TIAL1: variants seen among roughly 807,000 people sequenced by gnomAD.
The protein encoded by TIAL1 is nucleolysin TIAR.
In TIAL1, 7 loss-of-function variants were observed where a neutral mutation model predicts 59.7. The ratio of observed to expected loss-of-function variants is 0.12; its 90% CI spans 0.07 to 0.22. The LOEUF (loss-of-function observed/expected upper bound fraction) is 0.22, where lower values mean the gene tolerates loss of function less well. TIAL1 is among the 10% of genes least tolerant of loss of function. The pLI, the probability that TIAL1 is intolerant of heterozygous loss-of-function variation, is 1.00. For synonymous variants in TIAL1, 149 were observed against 146.3 expected (o/e 1.02, Z -0.13); for missense variants, 225 against 462.5 (o/e 0.49, Z 4.71).
intron 2 of TIAL1, among the ~76,000 whole-genome samples, chr10:119,585,651 A>T (rs942177151): frequency 6.6e-6 from 1 of 152,116 alleles, no homozygotes; most frequent in African/African-American, 2.4e-5. Flanking sequence ...ATGGGGTTTT[A>T]AAAAATAGTT....
intron 2 of TIAL1, among the ~76,000 whole-genome samples, chr10:119,583,744 T>A (rs1424547654): frequency 6.6e-6 from 1 of 152,162 alleles, no homozygotes; most frequent in Non-Finnish European, 1.5e-5. Flanking sequence ...AGAAGGCATT[T>A]CCTTGAGGGA....
intron 1 of TIAL1, among the ~76,000 whole-genome samples, chr10:119,594,689 A>G (rs544012763): frequency 6.7e-4 from 102 of 152,188 alleles, no homozygotes; most frequent in African/African-American, 2.4e-3. Context: ...CAGTGGTGCA[A>G]TCTCGGCTCA....
At chr10:119,587,612 T>C (rs1845634563) in intron 2 of TIAL1, among the ~76,000 whole-genome samples, 1 of 150,624 alleles carries the variant, frequency 6.6e-6, no homozygotes, top group Non-Finnish European at 1.5e-5. Context: ...CAGTATCTAG[T>C]ACATAGGAAA....
At chr10:119,596,369 C>A in intron 1 of TIAL1, 65 bp downstream of exon 1, 1 of 1,592,368 alleles carries the variant, frequency 6.3e-7, no homozygotes, top group Non-Finnish European at 8.6e-7. Flanking sequence ...CTCCTGCTCC[C>A]TCCCTTAGCG....
Position 119,574,991 on chromosome 10 carries a change from A to C in TIAL1, c.*674T>G, listed in dbSNP as rs1844913778. On this transcript the variant is annotated 3_prime_UTR_variant, in exon 12 of 12. Transcript: ENST00000436547. ...AAATGTAAAATACTACAATTTTAAT[A>C]ATCGACACTTTTGGAAGTTTTAAAA... The C allele has an allele frequency of 6.5e-6, 1 of 152,686 alleles. No individual in the cohort carries two copies. Among genetic ancestry groups the C allele is most frequent in the Non-Finnish European group, 1.5e-5 (1 of 68,050 alleles). 9.5% of individuals were successfully genotyped at this position (152,686 alleles called of 1,614,324 possible). A position where few individuals can be genotyped will look rare whatever the true frequency, so the allele number is the denominator to read the frequency against.
At chr10:119,579,351 A>G (rs1413847074) in intron 6 of TIAL1, among the ~76,000 whole-genome samples, 1 of 152,100 alleles carries the variant, frequency 6.6e-6, no homozygotes, top group East Asian at 1.9e-4. Context: ...AAAACAAAAC[A>G]AAACAAAACA....
At chr10:119,594,563 A>T (rs1846056114) in intron 1 of TIAL1, among the ~76,000 whole-genome samples, 1 of 152,216 alleles carries the variant, frequency 6.6e-6, no homozygotes, top group Admixed American at 6.5e-5. Flanking sequence ...CCAGATGCTT[A>T]TATCAAAGTA....
chr10:119,586,157 T>C (rs1396519481), intron 2 of TIAL1, among the ~76,000 whole-genome samples: 2 of 152,218 alleles, frequency 1.3e-5, no homozygotes, highest in African/African-American at 2.4e-5. Flanking sequence ...TCCACTTTGA[T>C]GTCTAATTCA....
intron 5 of TIAL1, chr10:119,580,908 G>C: frequency 1.0e-6 from 1 of 965,156 alleles, no homozygotes. Flanking sequence ...AAAACTGCAG[G>C]TCTCAGGTAT....
intron 11 of TIAL1, among the ~76,000 whole-genome samples, 182 bp from the exon 12 acceptor site, chr10:119,575,973 T>C (rs572957761): frequency 3.7e-4 from 56 of 152,196 alleles, no homozygotes; most frequent in African/African-American, 1.3e-3. Flanking sequence ...CCAGTATTAG[T>C]CTTTGATATT....
intron 1 of TIAL1, 89 bp downstream of exon 1, chr10:119,596,345 C>T (rs12779049): frequency 3.4e-6 from 5 of 1,482,446 alleles, no homozygotes; most frequent in Non-Finnish European, 4.7e-6. Context: ...AGAGTCCCGG[C>T]TTCGGCCCAG....
At chr10:119,575,912 A>G (rs1844966290) in intron 11 of TIAL1, 121 bp from the exon 12 acceptor site, 19 of 886,852 alleles carry the variant, frequency 2.1e-5, no homozygotes, top group Non-Finnish European at 2.6e-5. Context: ...ACACACCTAC[A>G]ACAAATAGAA....
chr10:119,588,291 C>G (rs1397370406), intron 1 of TIAL1, 43 bp from the exon 2 acceptor site: 1 of 1,236,356 alleles, frequency 8.1e-7, no homozygotes, highest in Admixed American at 2.1e-5. Context: ...TTTCCTTTAG[C>G]TCTGGCTCTA....
intron 6 of TIAL1, among the ~76,000 whole-genome samples, chr10:119,579,094 T>G (rs773175823): frequency 6.6e-6 from 1 of 152,200 alleles, no homozygotes; most frequent in Non-Finnish European, 1.5e-5. Context: ...CCCAGCACTT[T>G]GGGAGGCCAA....
chr10:119,581,826 TACTA>T (rs1244041810), intron 5 of TIAL1, 92 bp downstream of exon 5: 2 of 962,608 alleles, frequency 2.1e-6, no homozygotes, highest in Non-Finnish European at 3.2e-6. Context: ...AACAAAACCA[TACTA>T]ACTAGAGAAA....
intron 8 of TIAL1, 26 bp from the exon 9 acceptor site, chr10:119,577,561 A>C: frequency 1.2e-6 from 2 of 1,609,568 alleles, no homozygotes; most frequent in Non-Finnish European, 1.7e-6. Context: ...TACAAATAAA[A>C]CATGGCTGAT....
intron 6 of TIAL1, 72 bp from the exon 7 acceptor site, chr10:119,578,906 T>G: frequency 8.6e-7 from 1 of 1,159,582 alleles, no homozygotes; most frequent in Non-Finnish European, 1.3e-6. Flanking sequence ...TGAAATAAAA[T>G]ATCGGCGCTG....
intron 1 of TIAL1, among the ~76,000 whole-genome samples, chr10:119,591,363 C>T (rs1589884119): frequency 1.3e-5 from 2 of 151,080 alleles, no homozygotes; most frequent in South Asian, 4.2e-4. Flanking sequence ...GCTGAGATCG[C>T]GCCATGGCAC....
chr10:119,578,086 G>A (rs1178291994), intron 7 of TIAL1, among the ~76,000 whole-genome samples: 4 of 152,012 alleles, frequency 2.6e-5, no homozygotes, highest in East Asian at 1.9e-4. Context: ...TTGGCTGGGT[G>A]TGGTGGCACA....
Sources: allele counts gnomAD v4.1 joint callset (sites outside exome capture counted in the v4.1 genomes callset), GRCh38; gene constraint gnomAD v4.1.1; transcripts MANE v1.5; gene names NCBI Gene and HGNC (gene_info 2026-07-23, HGNC 2026-07-21).